Variants in HDAC9 observed in about 807,000 individuals in gnomAD.
The protein encoded by HDAC9 is histone deacetylase 9.
In HDAC9, 41 loss-of-function variants were observed where a neutral mutation model predicts 139.4. The observed-to-expected ratio is 0.29, with a 90% CI of 0.23 to 0.38. The LOEUF is 0.38. HDAC9 is among the 10% of genes least tolerant of loss of function. The pLI is 1.00. For synonymous variants in HDAC9, 517 were observed against 476.2 expected (o/e 1.09, Z -1.12); for missense variants, 1,147 against 1,297.0 (o/e 0.88, Z 1.78).
chr7:18,347,760 G>A (rs951233951), intron 1 of HDAC9, among the ~76,000 whole-genome samples: 1 of 151,712 alleles, frequency 6.6e-6, no homozygotes, highest in Admixed American at 6.6e-5. Flanking sequence ...ACCACGCCCG[G>A]CTAATTTTTT....
intron 1 of HDAC9, among the ~76,000 whole-genome samples, chr7:18,137,518 T>A (rs920941756): frequency 1.3e-5 from 2 of 151,778 alleles, no homozygotes; most frequent in African/African-American, 2.4e-5. Flanking sequence ...GCATGAAGGG[T>A]TGTTGAATTT....
intron 2 of HDAC9, among the ~76,000 whole-genome samples, chr7:18,545,151 C>T (rs1814357402): frequency 6.6e-6 from 1 of 152,134 alleles, no homozygotes; most frequent in East Asian, 1.9e-4. Flanking sequence ...CTTAGACACC[C>T]CAGGGTGGAC....
At chr7:18,186,317 A>G (rs531594194) in intron 2 of HDAC9, among the ~76,000 whole-genome samples, 1 of 152,248 alleles carries the variant, frequency 6.6e-6, no homozygotes, top group East Asian at 1.9e-4. Context: ...TTTTCCAAAA[A>G]GACAGTCTTG....
At chr7:18,673,539 T>C (rs2129085111) in intron 12 of HDAC9, among the ~76,000 whole-genome samples, 1 of 152,204 alleles carries the variant, frequency 6.6e-6, no homozygotes, top group South Asian at 2.1e-4. Context: ...ATTTTAAATA[T>C]ATATTAAGTC....
Position 18,992,353 on chromosome 7 carries a change from T to A in HDAC9, c.3171-3670T>A, listed in dbSNP as rs574169580. Among the ~76,000 whole-genome samples the A allele has an allele frequency of 3.3e-5, 5 of 152,286 alleles. No homozygotes were observed. In the East Asian group the frequency reaches 5.8e-4, roughly 18 times the overall value. On this transcript the variant is annotated intron_variant, in intron 25 of 25. Transcript: ENST00000686413. ...TTCAAACTAGATAAATATAAGTGCA[T>A]GACAGATCTAGTAAATACAGTACTG...
intron 11 of HDAC9, among the ~76,000 whole-genome samples, chr7:18,662,653 C>T (rs1793579167): frequency 6.6e-6 from 1 of 152,052 alleles, no homozygotes; most frequent in South Asian, 2.1e-4. Context: ...TAGCAGGAGG[C>T]TGAGTTTCTC....
chr7:18,484,427 C>T (rs1325441126), intron 1 of HDAC9, among the ~76,000 whole-genome samples: 2 of 151,730 alleles, frequency 1.3e-5, no homozygotes, highest in South Asian at 2.1e-4. Context: ...TTTCTTAACC[C>T]CCATATTGGT....
intron 1 of HDAC9, among the ~76,000 whole-genome samples, chr7:18,445,375 TA>T (rs1297756624): frequency 2.4e-4 from 37 of 152,204 alleles, no homozygotes; most frequent in African/African-American, 8.4e-4. Flanking sequence ...TATATATTTA[TA>T]TTTTTTTATG....
intron 2 of HDAC9, among the ~76,000 whole-genome samples, chr7:18,545,458 A>T (rs113790751): frequency 2.0e-5 from 3 of 152,280 alleles, no homozygotes; most frequent in African/African-American, 7.2e-5. Flanking sequence ...GTAAATAGTT[A>T]TTAAATTGTT....
chr7:18,470,632 G>A (rs1362608150), intron 1 of HDAC9, among the ~76,000 whole-genome samples: 2 of 152,044 alleles, frequency 1.3e-5, no homozygotes, highest in African/African-American at 4.8e-5. Flanking sequence ...TCTGCTACAA[G>A]GATTTCTCTG....
intron 1 of HDAC9, among the ~76,000 whole-genome samples, chr7:18,113,673 A>G (rs969903949): frequency 7.9e-5 from 12 of 152,222 alleles, no homozygotes; most frequent in African/African-American, 2.9e-4. Context: ...TCTTATTTGT[A>G]TATGTATGCT....
At chr7:18,962,283 A>C (rs912575603) in intron 24 of HDAC9, among the ~76,000 whole-genome samples, 1 of 152,122 alleles carries the variant, frequency 6.6e-6, no homozygotes, top group African/African-American at 2.4e-5. Context: ...TCATTGAAGA[A>C]AAGCAGCGTT....
chr7:18,365,927 T>A (rs770674811), intron 1 of HDAC9, among the ~76,000 whole-genome samples: 13 of 150,772 alleles, frequency 8.6e-5, no homozygotes, highest in Non-Finnish European at 1.6e-4. Context: ...CTGGTTACTT[T>A]TATCCTTTAG....
At chr7:18,612,651 C>T (rs1182415125) in intron 6 of HDAC9, among the ~76,000 whole-genome samples, 2 of 75,954 alleles carry the variant, frequency 2.6e-5, no homozygotes, top group Non-Finnish European at 5.5e-5. Flanking sequence ...CATAGGTAAG[C>T]ATTGGAAACA....
chr7:18,335,541 C>G (rs746162955), intron 1 of HDAC9, among the ~76,000 whole-genome samples: 1 of 151,456 alleles, frequency 6.6e-6, no homozygotes, highest in African/African-American at 2.4e-5. Flanking sequence ...TTGCAAGAGT[C>G]TATTGGAGCC....
chr7:18,165,942 A>G (rs1350772227), intron 2 of HDAC9, among the ~76,000 whole-genome samples: 1 of 152,106 alleles, frequency 6.6e-6, no homozygotes, highest in African/African-American at 2.4e-5. Context: ...AGAGATTTTT[A>G]TGGAGTGCCT....
intron 24 of HDAC9, among the ~76,000 whole-genome samples, chr7:18,967,493 G>GT (rs1401827579): frequency 7.6e-5 from 9 of 118,300 alleles, no homozygotes; most frequent in Admixed American, 2.4e-4. Context: ...TGTAAATAAA[G>GT]TTGCCCCCCC....
intron 6 of HDAC9, among the ~76,000 whole-genome samples, chr7:18,604,059 A>G (rs1331471492): frequency 6.6e-6 from 1 of 151,658 alleles, no homozygotes; most frequent in Admixed American, 6.6e-5. Context: ...TTTATCTTTT[A>G]TCTTCTGCAA....
At chr7:18,618,210 T>G (rs12171607) in intron 6 of HDAC9, among the ~76,000 whole-genome samples, 3,807 of 152,214 alleles carry the variant, frequency 0.025, 163 homozygotes, top group African/African-American at 0.087. Context: ...TGTATTCCAT[T>G]TATTACTTCT....
Sources: allele counts gnomAD v4.1 joint callset (sites outside exome capture counted in the v4.1 genomes callset), GRCh38; gene constraint gnomAD v4.1.1; transcripts MANE v1.5; gene names NCBI Gene and HGNC (gene_info 2026-07-23, HGNC 2026-07-21).